ZNF385D: variants seen among roughly 807,000 people sequenced by gnomAD.
ZNF385D encodes the protein zinc finger protein 659.
ZNF385D carries 15 observed loss-of-function variants against 35.8 expected under a neutral mutation model. The ratio of observed to expected loss-of-function variants is 0.42; its 90% CI spans 0.28 to 0.64. The LOEUF is 0.64. ZNF385D is among the 30% of genes least tolerant of loss of function. The pLI, the probability that ZNF385D is intolerant of heterozygous loss-of-function variation, is 0.23. For synonymous variants in ZNF385D, 212 were observed against 186.8 expected (o/e 1.13, Z -1.10); for missense variants, 474 against 494.6 (o/e 0.96, Z 0.39).
At chr3:21,905,086 G>A (rs1460461163) in intron 3 of ZNF385D, among the ~76,000 whole-genome samples, 2 of 150,142 alleles carry the variant, frequency 1.3e-5, no homozygotes, top group Middle Eastern at 3.3e-3. Flanking sequence ...GACTTTCAGG[G>A]AAATAATGAT....
chr3:22,322,086 T>G (rs1258000927), intron 2 of ZNF385D, among the ~76,000 whole-genome samples: 1 of 152,148 alleles, frequency 6.6e-6, no homozygotes, highest in Non-Finnish European at 1.5e-5. Context: ...GTCACCAAAC[T>G]CTGATTAGTG....
At chr3:22,314,617 G>A (rs566488391) in intron 2 of ZNF385D, among the ~76,000 whole-genome samples, 1 of 152,112 alleles carries the variant, frequency 6.6e-6, no homozygotes, top group East Asian at 1.9e-4. Flanking sequence ...TGAGCAGCAG[G>A]GTTGCACTCT....
intron 2 of ZNF385D, among the ~76,000 whole-genome samples, chr3:21,653,439 C>G (rs1474930484): frequency 6.6e-6 from 1 of 151,828 alleles, no homozygotes; most frequent in East Asian, 1.9e-4. Flanking sequence ...TTCTACATAC[C>G]TGCACTCAGT....
chr3:22,277,715 G>C (rs916098008), intron 2 of ZNF385D, among the ~76,000 whole-genome samples: 1 of 152,066 alleles, frequency 6.6e-6, no homozygotes, highest in African/African-American at 2.4e-5. Context: ...GAAGGAAACT[G>C]CAAGATCTGA....
At chr3:22,332,014 A>G (rs968912440) in intron 2 of ZNF385D, among the ~76,000 whole-genome samples, 2 of 152,224 alleles carry the variant, frequency 1.3e-5, no homozygotes, top group African/African-American at 4.8e-5. Context: ...GAAGAATAGT[A>G]TAGAAAATAT....
At chr3:21,870,464 C>T (rs1349489118) in intron 3 of ZNF385D, among the ~76,000 whole-genome samples, 1 of 152,228 alleles carries the variant, frequency 6.6e-6, no homozygotes, top group Non-Finnish European at 1.5e-5. Context: ...TCAATCCTTG[C>T]GGCTACTTAT....
At chr3:21,425,273 T>G (rs1700967285) in intron 6 of ZNF385D, among the ~76,000 whole-genome samples, 1 of 152,222 alleles carries the variant, frequency 6.6e-6, no homozygotes. Flanking sequence ...TTCTAGAATC[T>G]ATTACATTTT....
At chr3:22,069,228 C>T (rs1315675833) in intron 3 of ZNF385D, among the ~76,000 whole-genome samples, 1 of 152,204 alleles carries the variant, frequency 6.6e-6, no homozygotes, top group Non-Finnish European at 1.5e-5. Flanking sequence ...AATGAGATCA[C>T]AGTGACTGGC....
chr3:21,747,662 C>T (rs1294413050), intron 1 of ZNF385D, among the ~76,000 whole-genome samples: 1 of 152,182 alleles, frequency 6.6e-6, no homozygotes, highest in East Asian at 1.9e-4. Context: ...CAGTTACAAC[C>T]TTCTGCCAGG....
intron 3 of ZNF385D, among the ~76,000 whole-genome samples, chr3:22,042,496 T>C (rs1304940458): frequency 1.3e-5 from 2 of 152,154 alleles, no homozygotes; most frequent in Non-Finnish European, 2.9e-5. Flanking sequence ...TAAGGTATCG[T>C]TCTGCAGTAG....
At chr3:21,710,483 T>G (rs892452366) in intron 1 of ZNF385D, among the ~76,000 whole-genome samples, 1 of 152,176 alleles carries the variant, frequency 6.6e-6, no homozygotes, top group Non-Finnish European at 1.5e-5. Flanking sequence ...CTTTTTGTGT[T>G]TTTCATAATC....
intron 2 of ZNF385D, among the ~76,000 whole-genome samples, chr3:22,346,372 T>A (rs538666868): frequency 6.6e-6 from 1 of 152,356 alleles, no homozygotes; most frequent in African/African-American, 2.4e-5. Flanking sequence ...TACTGGGATA[T>A]CTTCCTTCAT....
intron 2 of ZNF385D, among the ~76,000 whole-genome samples, chr3:21,618,128 T>G (rs2064900889): frequency 6.6e-6 from 1 of 152,164 alleles, no homozygotes; most frequent in Non-Finnish European, 1.5e-5. Context: ...GAGTGTAAAT[T>G]TTACTTTATT....
intron 2 of ZNF385D, among the ~76,000 whole-genome samples, chr3:21,574,167 T>A (rs535370205): frequency 6.6e-6 from 1 of 151,942 alleles, no homozygotes; most frequent in African/African-American, 2.4e-5. Context: ...AGGCATCAAG[T>A]ATCTCCTCAG....
intron 1 of ZNF385D, among the ~76,000 whole-genome samples, chr3:21,710,938 C>T (rs1272866399): frequency 6.6e-6 from 1 of 151,594 alleles, no homozygotes; most frequent in Admixed American, 6.6e-5. Flanking sequence ...AATCTAAATG[C>T]TCTCTGATTT....
chr3:22,206,599 A>C (rs927576641), intron 2 of ZNF385D, among the ~76,000 whole-genome samples: 3 of 152,010 alleles, frequency 2.0e-5, no homozygotes, highest in African/African-American at 7.2e-5. Context: ...ACCATGAATA[A>C]AACTAGAAAT....
At chr3:22,282,901 G>C (rs1243786026) in intron 2 of ZNF385D, among the ~76,000 whole-genome samples, 1 of 151,994 alleles carries the variant, frequency 6.6e-6, no homozygotes, top group Non-Finnish European at 1.5e-5. Context: ...TGGCAGAATG[G>C]ATAAGAATTC....
chr3:22,011,080 A>G (rs1473001643), intron 3 of ZNF385D, among the ~76,000 whole-genome samples: 1 of 152,196 alleles, frequency 6.6e-6, no homozygotes, highest in Non-Finnish European at 1.5e-5. Context: ...TTCGTTAATG[A>G]ATCATCCCCA....
intron 2 of ZNF385D, among the ~76,000 whole-genome samples, chr3:22,262,393 T>C (rs1559485634): frequency 6.6e-6 from 1 of 151,984 alleles, no homozygotes; most frequent in Non-Finnish European, 1.5e-5. Context: ...AGGAAGTTGA[T>C]GAGATAATGC....
Sources: gnomAD v4.1 joint callset for allele counts (sites outside exome capture counted in the v4.1 genomes callset) on GRCh38, gnomAD v4.1.1 for gene constraint, MANE v1.5 for transcripts, NCBI Gene and HGNC (gene_info 2026-07-23, HGNC 2026-07-21) for gene names.